ZC3H12B: variants seen among roughly 807,000 people sequenced by gnomAD.
ZC3H12B encodes the protein zinc finger CCCH-type containing 12B.
ZC3H12B carries 7 observed loss-of-function variants against 43.9 expected under a neutral mutation model. That is an observed-to-expected ratio of 0.16 (90% CI 0.09 to 0.30). The LOEUF (loss-of-function observed/expected upper bound fraction) is 0.30. ZC3H12B is among the 10% of genes least tolerant of loss of function. The pLI, the probability that ZC3H12B is intolerant of heterozygous loss-of-function variation, is 1.00. For missense variants in ZC3H12B, 475 were observed against 670.2 expected (o/e 0.71, Z 3.22); for synonymous variants, 222 against 241.7 (o/e 0.92, Z 0.76).
chrX:65,092,975 A>G, the ZC3H12B span, among the ~76,000 whole-genome samples: 1 of 111,376 alleles, frequency 9.0e-6, no homozygotes, highest in Non-Finnish European at 1.9e-5. Context: ...GAGACCTAGG[A>G]GGGAAGAATG....
chrX:65,207,644 T>A, the ZC3H12B span, among the ~76,000 whole-genome samples: 7 of 106,494 alleles, frequency 6.6e-5, no homozygotes, highest in African/African-American at 2.4e-4. Context: ...GGCTTAGGAT[T>A]GACTTGGCAA....
chrX:65,312,516 C>CAAA, the ZC3H12B span, among the ~76,000 whole-genome samples: 2 of 100,575 alleles, frequency 2.0e-5, no homozygotes, highest in African/African-American at 7.1e-5. Flanking sequence ...ATAAAGGAGC[C>CAAA]AAAAAAAAAA....
chrX:65,183,600 G>A, the ZC3H12B span, among the ~76,000 whole-genome samples: 2 of 111,729 alleles, frequency 1.8e-5, no homozygotes, highest in African/African-American at 6.5e-5. Flanking sequence ...TATGGTTGTG[G>A]AATCAACGTT....
the ZC3H12B span, among the ~76,000 whole-genome samples, chrX:65,061,564 C>G: frequency 1.8e-5 from 2 of 112,117 alleles, no homozygotes; most frequent in African/African-American, 6.5e-5. Context: ...TCCAGTCTAT[C>G]ATTGATGGGC....
chrX:65,196,770 C>T, the ZC3H12B span, among the ~76,000 whole-genome samples: 1 of 111,470 alleles, frequency 9.0e-6, no homozygotes, highest in South Asian at 3.8e-4. Flanking sequence ...ACCTCCTCTT[C>T]CCTCAGCCCT....
intron 2 of ZC3H12B, 61 bp downstream of exon 7, chrX:65,497,332 G>A: frequency 9.5e-7 from 1 of 1,049,534 alleles, no homozygotes; most frequent in Non-Finnish European, 1.3e-6. Context: ...GATAGTTTGG[G>A]GATGGTCCCA....
chrX:65,466,915 A>AACATAT (rs1320106217), intron 3 of ZC3H12B, among the ~76,000 whole-genome samples: 8 of 23,932 alleles, frequency 3.3e-4, no homozygotes, highest in Non-Finnish European at 1.1e-3. Context: ...TATAAAACCA[A>AACATAT]ATATATATAT....
the ZC3H12B span, chrX:65,271,327 T>C: frequency 8.9e-6 from 1 of 112,749 alleles, no homozygotes; most frequent in African/African-American, 3.2e-5. Context: ...TGTCTTAACA[T>C]ATGGAAGTAA....
the ZC3H12B span, among the ~76,000 whole-genome samples, chrX:65,036,874 C>T: frequency 9.1e-6 from 1 of 109,877 alleles, no homozygotes; most frequent in Non-Finnish European, 1.9e-5. Context: ...ATGAAGATGC[C>T]GCATACTCTT....
At chrX:65,072,491 C>T in the ZC3H12B span, among the ~76,000 whole-genome samples, 1 of 112,403 alleles carries the variant, frequency 8.9e-6, no homozygotes, top group Non-Finnish European at 1.9e-5. Context: ...GTTTCTTGTG[C>T]TGGTTCTTTC....
the ZC3H12B span, among the ~76,000 whole-genome samples, chrX:65,301,227 C>G: frequency 9.0e-6 from 1 of 111,189 alleles, no homozygotes; most frequent in Non-Finnish European, 1.9e-5. Context: ...CACTTTTACA[C>G]TGCTGGTGGG....
intron 2 of ZC3H12B, among the ~76,000 whole-genome samples, chrX:65,379,880 A>G (rs2066411070): frequency 8.9e-6 from 1 of 111,996 alleles, no homozygotes; most frequent in South Asian, 3.7e-4. Context: ...AAATGAATGA[A>G]ATGAAGTGAG....
At chrX:65,216,697 C>A in the ZC3H12B span, among the ~76,000 whole-genome samples, 1 of 111,692 alleles carries the variant, frequency 9.0e-6, no homozygotes, top group East Asian at 2.8e-4. Flanking sequence ...GGGAGAGACT[C>A]CTTCAGCCTG....
chrX:65,233,062 A>G, the ZC3H12B span, among the ~76,000 whole-genome samples: 2 of 112,325 alleles, frequency 1.8e-5, no homozygotes, highest in Admixed American at 1.9e-4. Context: ...GTAAATATTT[A>G]TGTGCCCAAC....
the ZC3H12B span, among the ~76,000 whole-genome samples, chrX:65,049,084 G>T: frequency 3.6e-5 from 4 of 111,212 alleles, no homozygotes; most frequent in Admixed American, 1.9e-4. Flanking sequence ...CTTATCAGTT[G>T]TGTAGGTTTT....
chrX:65,350,799 A>C, the ZC3H12B span, among the ~76,000 whole-genome samples: 1 of 111,691 alleles, frequency 9.0e-6, no homozygotes, highest in East Asian at 2.8e-4. Context: ...ACTATAAACC[A>C]CTGCTCAAGC....
chrX:65,116,262 A>G, the ZC3H12B span, among the ~76,000 whole-genome samples: 3 of 111,748 alleles, frequency 2.7e-5, no homozygotes, highest in East Asian at 8.5e-4. Flanking sequence ...ATTCTTCAAC[A>G]TATAGCTTGC....
chrX:65,207,692 A>G, the ZC3H12B span, among the ~76,000 whole-genome samples: 1 of 94,321 alleles, frequency 1.1e-5, no homozygotes, highest in Admixed American at 1.2e-4. Context: ...ACTTTAAAGT[A>G]GTTTTTTCCA....
the ZC3H12B span, among the ~76,000 whole-genome samples, chrX:65,242,722 C>T: frequency 8.9e-6 from 1 of 112,195 alleles, no homozygotes. Context: ...TACCTAACTT[C>T]AAATTATACT....
Sources: gnomAD v4.1 joint callset for allele counts (sites outside exome capture counted in the v4.1 genomes callset) on GRCh38, gnomAD v4.1.1 for gene constraint, MANE v1.5 for transcripts, NCBI Gene and HGNC (gene_info 2026-07-23, HGNC 2026-07-21) for gene names.